Variants in UTS2 observed in about 807,000 individuals in gnomAD.
The protein encoded by UTS2 is urotensin 2.
In UTS2, 10 loss-of-function variants were observed where a neutral mutation model predicts 12.6. The ratio of observed to expected loss-of-function variants is 0.80; its 90% confidence interval spans 0.49 to 1.35. The LOEUF (loss-of-function observed/expected upper bound fraction) is 1.35, where lower values mean the gene tolerates loss of function less well. Among genes scored for constraint, UTS2 ranks in the 40% most tolerant of loss-of-function variants. The pLI, the probability that UTS2 is intolerant of heterozygous loss-of-function variation, is 0.00. For missense variants in UTS2, 142 were observed against 143.2 expected (o/e 0.99, Z 0.04); for synonymous variants, 52 against 50.0 (o/e 1.04, Z -0.17).
the UTS2 span, among the ~76,000 whole-genome samples, chr1:7,875,580 T>A: frequency 2.0e-5 from 3 of 152,058 alleles, no homozygotes; most frequent in Non-Finnish European, 4.4e-5. Flanking sequence ...ATGCACACCA[T>A]TGGGGGTCCT....
the UTS2 span, among the ~76,000 whole-genome samples, chr1:7,906,988 C>T: frequency 6.6e-6 from 1 of 152,040 alleles, no homozygotes; most frequent in Non-Finnish European, 1.5e-5. Flanking sequence ...CAGTGGCTCA[C>T]GCCTGTAATC....
the UTS2 span, among the ~76,000 whole-genome samples, chr1:7,908,323 A>C: frequency 2.0e-5 from 3 of 149,560 alleles, no homozygotes; most frequent in African/African-American, 7.4e-5. Flanking sequence ...AAAGTTAGCC[A>C]GGTGTGGTGG....
the UTS2 span, among the ~76,000 whole-genome samples, chr1:7,902,850 G>A: frequency 6.6e-6 from 1 of 152,140 alleles, no homozygotes; most frequent in African/African-American, 2.4e-5. Flanking sequence ...CTGAAGAAGA[G>A]GCCTAAATTA....
intron 3 of UTS2, among the ~76,000 whole-genome samples, chr1:7,849,003 C>A (rs1241324704): frequency 6.6e-6 from 1 of 152,154 alleles, no homozygotes; most frequent in Non-Finnish European, 1.5e-5. Flanking sequence ...CAGGTGCTCC[C>A]GGTGCTGCTG....
the UTS2 span, among the ~76,000 whole-genome samples, chr1:7,891,536 AAAAGAAAGAAAGAAAG>A: frequency 2.9e-3 from 314 of 109,904 alleles, 1 homozygote; most frequent in African/African-American, 4.9e-3. Flanking sequence ...AGAAAGAAAG[AAAAGAAAGAAAGAAAG>A]AAAGAAAGAA....
chr1:7,872,316 A>AAAC, the UTS2 span, among the ~76,000 whole-genome samples: 1 of 127,716 alleles, frequency 7.8e-6, no homozygotes, highest in East Asian at 4.6e-4. Context: ...AAAAAAAAAA[A>AAAC]AAAGGAAAAG....
the UTS2 span, among the ~76,000 whole-genome samples, chr1:7,893,972 C>T: frequency 6.6e-6 from 1 of 152,104 alleles, no homozygotes; most frequent in Non-Finnish European, 1.5e-5. Context: ...AGAGAGAATT[C>T]GGGTCTGGCT....
At chr1:7,853,169 G>A, upstream of UTS2, 1 of 1,494,088 alleles carries the variant, frequency 6.7e-7, no homozygotes, top group South Asian at 1.3e-5. Context: ...AGGCTAAAAG[G>A]CAATCACTTT....
chr1:7,906,469 A>AAGAAAGAAAGAAAGAAAGAAAGAAAG, the UTS2 span, among the ~76,000 whole-genome samples: 13 of 147,930 alleles, frequency 8.8e-5, no homozygotes, highest in African/African-American at 2.5e-4. Flanking sequence ...GAAAGAAAGA[A>AAGAAAGAAAGAAAGAAAGAAAGAAAG]AGAAAGAAAG....
the UTS2 span, among the ~76,000 whole-genome samples, chr1:7,866,116 C>A: frequency 2.0e-5 from 3 of 152,152 alleles, no homozygotes; most frequent in African/African-American, 7.2e-5. This position sits in a 1 kb window ranked among gnomAD's most constrained non-coding sequence, Gnocchi z 4.5. Context: ...CATGGTCGAC[C>A]ACGCTGACCA....
the UTS2 span, among the ~76,000 whole-genome samples, chr1:7,874,910 G>A: frequency 6.6e-6 from 1 of 152,010 alleles, no homozygotes; most frequent in Admixed American, 6.6e-5. Flanking sequence ...CTCTCCTGTC[G>A]CCATGTGAAA....
chr1:7,853,207 A>G (rs1248363328), upstream of UTS2: 2 of 1,552,730 alleles, frequency 1.3e-6, no homozygotes, highest in African/African-American at 2.8e-5. Context: ...CAAGGTAACA[A>G]GTCATAGACA....
the UTS2 span, among the ~76,000 whole-genome samples, chr1:7,866,774 T>C: frequency 1.3e-5 from 2 of 152,150 alleles, no homozygotes; most frequent in Non-Finnish European, 2.9e-5. This position sits in a 1 kb window ranked among gnomAD's most constrained non-coding sequence, Gnocchi z 4.5. Context: ...TGTCACCCCA[T>C]TGAACCCCAC....
At chr1:7,882,089 C>T in the UTS2 span, among the ~76,000 whole-genome samples, 2 of 152,302 alleles carry the variant, frequency 1.3e-5, no homozygotes, top group Non-Finnish European at 2.9e-5. Context: ...AACCCCAACA[C>T]TTTGGGAGGC....
At chr1:7,897,017 A>G in the UTS2 span, among the ~76,000 whole-genome samples, 1 of 152,130 alleles carries the variant, frequency 6.6e-6, no homozygotes, top group Non-Finnish European at 1.5e-5. Flanking sequence ...AAGCTTTATA[A>G]ATTATGTATA....
the UTS2 span, among the ~76,000 whole-genome samples, chr1:7,867,114 C>T: frequency 3.3e-5 from 5 of 152,260 alleles, no homozygotes; most frequent in Middle Eastern, 3.4e-3. Flanking sequence ...AGGTGATCCG[C>T]CCGCCTCGGC....
At chr1:7,885,124 CACCT>C in the UTS2 span, among the ~76,000 whole-genome samples, 6 of 123,724 alleles carry the variant, frequency 4.8e-5, no homozygotes, top group South Asian at 2.4e-4. Flanking sequence ...TCCATCCACC[CACCT>C]ATCATCCATC....
chr1:7,857,184 C>T (rs1638332468), upstream of UTS2, among the ~76,000 whole-genome samples: 1 of 137,412 alleles, frequency 7.3e-6, no homozygotes, highest in African/African-American at 2.7e-5. Flanking sequence ...TTCCAGAATC[C>T]CAGGAAAAGT....
At chr1:7,884,858 TCCATCCACCCAC>T in the UTS2 span, among the ~76,000 whole-genome samples, 1 of 151,326 alleles carries the variant, frequency 6.6e-6, no homozygotes, top group Non-Finnish European at 1.5e-5. Context: ...CATCTATCCA[TCCATCCACCCAC>T]CCATCCATCC....
Sources: allele counts gnomAD v4.1 joint callset (sites outside exome capture counted in the v4.1 genomes callset), GRCh38; gene constraint gnomAD v4.1.1; non-coding constraint Gnocchi (gnomAD v3.1); transcripts MANE v1.5; gene names NCBI Gene and HGNC (gene_info 2026-07-23, HGNC 2026-07-21).